NAF1: variants seen among roughly 807,000 people sequenced by gnomAD.
The protein encoded by NAF1 is H/ACA ribonucleoprotein complex non-core subunit NAF1.
Under a neutral mutation model 40.6 loss-of-function variants are expected in NAF1, and 11 were observed. That is an observed-to-expected ratio of 0.27 (90% confidence interval 0.17 to 0.45). The LOEUF (loss-of-function observed/expected upper bound fraction) is 0.45. Among genes scored for constraint, NAF1 ranks in the 20% least tolerant of loss-of-function variants. The probability of loss-of-function intolerance (pLI) is 1.00; values close to 1 mark genes in which losing one functional copy is unlikely to be tolerated. For missense variants in NAF1, 607 were observed against 611.1 expected (o/e 0.99, Z 0.07); for synonymous variants, 260 against 228.5 (o/e 1.14, Z -1.24).
downstream of NAF1, among the ~76,000 whole-genome samples, chr4:163,123,868 A>G (rs1267342145): frequency 6.6e-6 from 1 of 152,242 alleles, no homozygotes; most frequent in Non-Finnish European, 1.5e-5. Context: ...AAACTGTGTG[A>G]GTGGAACATT....
the NAF1 span, among the ~76,000 whole-genome samples, chr4:163,104,186 C>G: frequency 6.6e-6 from 1 of 152,006 alleles, no homozygotes; most frequent in Non-Finnish European, 1.5e-5. Context: ...ATCACAATGG[C>G]GCAATGTCAT....
At chr4:163,110,832 G>A (rs960693342) in intron 2 of NAF1, among the ~76,000 whole-genome samples, 1 of 151,934 alleles carries the variant, frequency 6.6e-6, no homozygotes, top group African/African-American at 2.4e-5. Flanking sequence ...TTTAGTCTTA[G>A]GAACCTGGAA....
intron 6 of NAF1, among the ~76,000 whole-genome samples, chr4:163,134,369 T>C (rs1303523742): frequency 6.6e-6 from 1 of 152,174 alleles, no homozygotes; most frequent in African/African-American, 2.4e-5. Context: ...AAATCCTCCA[T>C]GAACCAGGAA....
chr4:163,134,647 T>A (rs1730989187), intron 6 of NAF1, among the ~76,000 whole-genome samples: 1 of 152,192 alleles, frequency 6.6e-6, no homozygotes, highest in Non-Finnish European at 1.5e-5. Flanking sequence ...AAAGATAGAC[T>A]TCTTGGTATG....
At chr4:163,162,228 C>A (rs1301601906) in intron 2 of NAF1, among the ~76,000 whole-genome samples, 2 of 152,210 alleles carry the variant, frequency 1.3e-5, no homozygotes, top group African/African-American at 4.8e-5. Context: ...ATACCTGTAA[C>A]TATACACTAT....
At chr4:163,161,541 G>T (rs1240705705) in intron 2 of NAF1, among the ~76,000 whole-genome samples, 2 of 151,758 alleles carry the variant, frequency 1.3e-5, no homozygotes, top group African/African-American at 2.4e-5. Context: ...AATAATGAAA[G>T]AATAAAATGC....
chr4:163,133,551 A>AACAG, intron 6 of NAF1: 4 of 289,962 alleles, frequency 1.4e-5, no homozygotes. Flanking sequence ...AAGGGTGCCA[A>AACAG]AGGTAAGAGT....
chr4:163,144,095 G>C (rs1358876206), intron 4 of NAF1: 4 of 876,744 alleles, frequency 4.6e-6, no homozygotes, highest in South Asian at 1.0e-4. Context: ...GTTTAAAAAG[G>C]AATCAGTAAA....
At chr4:163,112,894 GA>G (rs1213538731) in intron 2 of NAF1, among the ~76,000 whole-genome samples, 1 of 152,132 alleles carries the variant, frequency 6.6e-6, no homozygotes, top group African/African-American at 2.4e-5. Context: ...AATGGACTAG[GA>G]AAAAAATATT....
intron 4 of NAF1, among the ~76,000 whole-genome samples, chr4:163,141,741 A>G (rs1731269990): frequency 6.6e-6 from 1 of 152,228 alleles, no homozygotes; most frequent in Non-Finnish European, 1.5e-5. Flanking sequence ...CTAAGGCATA[A>G]AAGTTTTAAT....
rs1264615441 is a variant in NAF1, at chr4:163,137,334, A to T, written c.879-84T>A. On this transcript the variant is annotated intron_variant, in intron 5 of 7. Coordinates refer to ENST00000274054, the MANE Select transcript of NAF1 (RefSeq NM_138386.3). ...ATAACTTAAAAGTACAGAAAATAATAAAGTAAAGGACATGAGTTCAACCTT... is the reference window on the plus strand; with the variant it reads ...ATAACTTAAAAGTACAGAAAATAATTAAGTAAAGGACATGAGTTCAACCTT... The T allele has an allele frequency of 1.1e-5, 16 of 1,421,666 alleles. No individual in the cohort carries two copies. In the East Asian group the frequency reaches 3.9e-4, roughly 35 times the overall value. 88.1% of individuals were successfully genotyped at this position (1,421,666 alleles called of 1,614,324 possible). A position where few individuals can be genotyped will look rare whatever the true frequency, so the allele number is the denominator to read the frequency against.
chr4:163,123,608 C>A (rs1057503864), downstream of NAF1, among the ~76,000 whole-genome samples: 6 of 152,152 alleles, frequency 3.9e-5, no homozygotes, highest in Non-Finnish European at 7.4e-5. Flanking sequence ...GTCTTGAACT[C>A]CTGGGCTCTA....
the NAF1 span, among the ~76,000 whole-genome samples, chr4:163,104,592 A>T: frequency 6.6e-6 from 1 of 152,328 alleles, no homozygotes; most frequent in Non-Finnish European, 1.5e-5. Context: ...TTACTCAGCT[A>T]TAGTAAAGTA....
At chr4:163,107,596 A>G (rs1730070102), downstream of NAF1, among the ~76,000 whole-genome samples, 1 of 152,242 alleles carries the variant, frequency 6.6e-6, no homozygotes. Context: ...CTTTTACCTG[A>G]GAGTCCTACA....
chr4:163,132,272 T>G (rs773133775), intron 7 of NAF1, among the ~76,000 whole-genome samples: 1 of 152,184 alleles, frequency 6.6e-6, no homozygotes, highest in African/African-American at 2.4e-5. Context: ...ATATAAATAT[T>G]TATAGCTGCT....
intron 6 of NAF1, chr4:163,135,210 TCTC>T (rs1352705399): frequency 1.3e-5 from 2 of 152,188 alleles, no homozygotes; most frequent in Admixed American, 6.5e-5. Flanking sequence ...ACGCAATGTT[TCTC>T]CTTTTTCTCT....
intron 4 of NAF1, chr4:163,141,865 C>T (rs1731274763): frequency 1.3e-6 from 1 of 792,442 alleles, no homozygotes; most frequent in Non-Finnish European, 1.5e-6. Flanking sequence ...ATGCTCTTCA[C>T]ATTTTATGAT....
chr4:163,152,037 T>C (rs1030937277), intron 2 of NAF1, among the ~76,000 whole-genome samples: 5 of 152,182 alleles, frequency 3.3e-5, no homozygotes, highest in African/African-American at 1.2e-4. Context: ...GTCCTTCTTT[T>C]CAATATTAGT....
chr4:163,115,226 T>TG (rs1283163061), intron 2 of NAF1, among the ~76,000 whole-genome samples: 2 of 142,998 alleles, frequency 1.4e-5, no homozygotes, highest in African/African-American at 5.3e-5. Flanking sequence ...TTTTTTTTTT[T>TG]GAGACAGAGT....
Sources: gnomAD v4.1 joint callset for allele counts (sites outside exome capture counted in the v4.1 genomes callset) on GRCh38, gnomAD v4.1.1 for gene constraint, MANE v1.5 for transcripts, NCBI Gene and HGNC (gene_info 2026-07-23, HGNC 2026-07-21) for gene names.